Variants in NAV2 observed in about 807,000 individuals in gnomAD.
The protein encoded by NAV2 is neuron navigator 2, also known as helicase, APC down-regulated 1.
A neutral mutation model predicts 223.2 loss-of-function variants in NAV2; 54 were observed. That is an observed-to-expected ratio of 0.24 (90% CI 0.19 to 0.30). The LOEUF (loss-of-function observed/expected upper bound fraction) is 0.30, where lower values mean the gene tolerates loss of function less well. NAV2 is among the 10% of genes least tolerant of loss of function. The probability of loss-of-function intolerance (pLI) is 1.00; values close to 1 mark genes in which losing one functional copy is unlikely to be tolerated. For synonymous variants in NAV2, 1,279 were observed against 1,239.3 expected (o/e 1.03, Z -0.67); for missense variants, 2,806 against 3,147.5 (o/e 0.89, Z 2.60).
rs567179346 is a variant in NAV2 at position 19,998,757 on chromosome 11, G to A, written c.2768+14510G>A. Reference sequence around the variant, plus strand: ...AGCCTGGCTTATTCTCTTCCTTCAGGTCTCAACTCAAACTTCACCACTTAG... The same window carrying A: ...AGCCTGGCTTATTCTCTTCCTTCAGATCTCAACTCAAACTTCACCACTTAG... On this transcript the variant is annotated intron_variant, in intron 11 of 37. Coordinates refer to ENST00000349880, the MANE Select transcript of NAV2 (RefSeq NM_145117.5). The surrounding 1 kb of genome is among the most constrained non-coding windows in gnomAD (Gnocchi z 5.0). Among the ~76,000 whole-genome samples the A allele has an allele frequency of 2.0e-5, 3 of 152,032 alleles. No homozygotes were observed. The highest frequency in any genetic ancestry group is 4.2e-4 in the South Asian group (2 of 4,804).
intron 9 of NAV2, among the ~76,000 whole-genome samples, chr11:19,948,303 C>T (rs999467224): frequency 2.0e-5 from 3 of 152,108 alleles, no homozygotes; most frequent in Non-Finnish European, 4.4e-5. Flanking sequence ...CCAGGATGGT[C>T]TTGATTTCTT....
chr11:19,720,193 T>C lies in NAV2; in HGVS notation c.267+6231T>C, dbSNP rs139005516. On this transcript the variant is annotated intron_variant, in intron 1 of 37. Coordinates refer to ENST00000349880, the MANE Select transcript of NAV2 (RefSeq NM_145117.5). ...GGCCAAATTCAATGACTATTCTGTCTCTTGGTCACATTTTTCAAAGAGATG... is the reference window on the plus strand; with the variant it reads ...GGCCAAATTCAATGACTATTCTGTCCCTTGGTCACATTTTTCAAAGAGATG... Among the ~76,000 whole-genome samples the C allele has an allele frequency of 4.1e-4, 62 of 152,374 alleles. 1 individual carries two copies. In the East Asian group the frequency reaches 0.012, roughly 28 times the overall value.
intron 1 of NAV2, among the ~76,000 whole-genome samples, chr11:19,777,047 G>A (rs919825230): frequency 3.3e-5 from 5 of 151,766 alleles, no homozygotes; most frequent in African/African-American, 9.7e-5. Flanking sequence ...TGCCACGCGG[G>A]GCGGCCCGCG....
chr11:19,475,244 G>A (rs969402117), intron 1 of NAV2, among the ~76,000 whole-genome samples: 9 of 152,214 alleles, frequency 5.9e-5, no homozygotes, highest in South Asian at 2.1e-4. Flanking sequence ...TTTGTGTTAC[G>A]TCAAAGGATT....
At chr11:20,075,883 C>A (rs565265918) in intron 22 of NAV2, among the ~76,000 whole-genome samples, 1 of 151,906 alleles carries the variant, frequency 6.6e-6, no homozygotes, top group African/African-American at 2.4e-5. Context: ...CCAAGCTCCT[C>A]CCATATATCC....
At chr11:20,007,762 A>G (rs1253100774) in intron 11 of NAV2, among the ~76,000 whole-genome samples, 1 of 152,098 alleles carries the variant, frequency 6.6e-6, no homozygotes, top group East Asian at 1.9e-4. Flanking sequence ...GGGAGAATGG[A>G]GTGGTGGTAC....
At chr11:19,571,966 C>T (rs1021271836) in intron 1 of NAV2, among the ~76,000 whole-genome samples, 2 of 152,132 alleles carry the variant, frequency 1.3e-5, no homozygotes, top group African/African-American at 4.8e-5. Context: ...TTGGTCTTTC[C>T]CAACCCTCTA....
intron 11 of NAV2, among the ~76,000 whole-genome samples, chr11:20,011,954 C>A (rs2053595115): frequency 6.6e-6 from 1 of 152,220 alleles, no homozygotes; most frequent in Non-Finnish European, 1.5e-5. Flanking sequence ...AGCTTGTATT[C>A]TATATTTCCC....
intron 1 of NAV2, among the ~76,000 whole-genome samples, chr11:19,664,324 A>C (rs1231177408): frequency 2.0e-5 from 3 of 152,196 alleles, no homozygotes; most frequent in African/African-American, 7.2e-5. Context: ...GCATGCAGGC[A>C]TGGATTGGGT....
rs894445 is a variant in NAV2, at chr11:20,118,925, A to G, written c.*667A>G. The G allele has an allele frequency of 0.79, 120,093 of 152,624 alleles. 49,654 individuals carry two copies. Among genetic ancestry groups the G allele is most frequent in the Non-Finnish European group, 0.91 (62,254 of 68,080 alleles). 9.5% of individuals were successfully genotyped at this position (152,624 alleles called of 1,614,324 possible). ...GAGAGGTATTTTGCCTGTTCCAATC[A>G]AACCACCCCATTCAGGTCCATCAGC... On this transcript the variant is annotated 3_prime_UTR_variant, in exon 38 of 38. Transcript: ENST00000349880.
intron 6 of NAV2, among the ~76,000 whole-genome samples, chr11:19,932,153 C>A (rs2045409329): frequency 7.0e-6 from 1 of 142,692 alleles, no homozygotes; most frequent in African/African-American, 2.6e-5. Flanking sequence ...ACTCACTGAG[C>A]GCCAAGGGGA....
At chr11:19,723,145 T>C (rs1338195490) in intron 1 of NAV2, among the ~76,000 whole-genome samples, 1 of 152,144 alleles carries the variant, frequency 6.6e-6, no homozygotes, top group Non-Finnish European at 1.5e-5. Context: ...GAGGGGGTTT[T>C]AGTTGGTTAG....
chr11:19,816,537 T>C (rs1173834077), intron 1 of NAV2, among the ~76,000 whole-genome samples: 3 of 152,226 alleles, frequency 2.0e-5, no homozygotes, highest in East Asian at 3.8e-4. Context: ...CATTCAATTC[T>C]TCATCTAAGT....
intron 1 of NAV2, among the ~76,000 whole-genome samples, chr11:19,687,201 T>A (rs1196580285): frequency 6.6e-6 from 1 of 152,214 alleles, no homozygotes. Flanking sequence ...CAGCGCAGGC[T>A]GTCAGCCCAG....
intron 1 of NAV2, among the ~76,000 whole-genome samples, chr11:19,724,538 A>G (rs553690757): frequency 1.5e-4 from 23 of 152,318 alleles, no homozygotes; most frequent in South Asian, 1.0e-3. Flanking sequence ...TAATTGCTTC[A>G]TATTAGGAAG....
At chr11:19,938,350 T>G (rs2046097897) in intron 7 of NAV2, among the ~76,000 whole-genome samples, 1 of 152,126 alleles carries the variant, frequency 6.6e-6, no homozygotes, top group African/African-American at 2.4e-5. Context: ...GGCCTCTAAA[T>G]GGTCATCTAG....
At chr11:19,508,833 G>A (rs936336195) in intron 1 of NAV2, among the ~76,000 whole-genome samples, 4 of 152,158 alleles carry the variant, frequency 2.6e-5, no homozygotes, top group South Asian at 2.1e-4. Flanking sequence ...TAAAACCTCC[G>A]AAATCTCAAC....
At chr11:20,075,030 A>G (rs1479979798) in intron 22 of NAV2, among the ~76,000 whole-genome samples, 1 of 152,084 alleles carries the variant, frequency 6.6e-6, no homozygotes, top group Non-Finnish European at 1.5e-5. Flanking sequence ...TAACTTTGTC[A>G]TTCATTTGCA....
At chr11:19,814,767 G>A (rs1463543406) in intron 1 of NAV2, among the ~76,000 whole-genome samples, 1 of 152,166 alleles carries the variant, frequency 6.6e-6, no homozygotes, top group East Asian at 1.9e-4. Flanking sequence ...TGCCCAGGTA[G>A]AATGGTCACT....
Sources: allele counts gnomAD v4.1 joint callset (sites outside exome capture counted in the v4.1 genomes callset), GRCh38; gene constraint gnomAD v4.1.1; non-coding constraint Gnocchi (gnomAD v3.1); transcripts MANE v1.5; gene names NCBI Gene and HGNC (gene_info 2026-07-23, HGNC 2026-07-21).